The following NRXN3 variants were observed in gnomAD, a reference collection of about 807,000 sequenced individuals.
NRXN3 encodes neurexin III.
A neutral mutation model predicts 137.6 loss-of-function variants in NRXN3; 32 were observed. The observed-to-expected ratio is 0.23, with a 90% CI of 0.18 to 0.31. The LOEUF (loss-of-function observed/expected upper bound fraction) is 0.31, where lower values mean the gene tolerates loss of function less well. NRXN3 is among the 10% of genes least tolerant of loss of function. NRXN3 has a pLI of 1.00. For synonymous variants in NRXN3, 798 were observed against 784.5 expected (o/e 1.02, Z -0.29); for missense variants, 1,574 against 2,062.5 (o/e 0.76, Z 4.59).
At chr14:78,706,942 C>T (rs1383151991) in intron 6 of NRXN3, among the ~76,000 whole-genome samples, 1 of 152,036 alleles carries the variant, frequency 6.6e-6, no homozygotes, top group African/African-American at 2.4e-5. Context: ...CTGGAGTGAC[C>T]CATCCAATTA....
intron 4 of NRXN3, among the ~76,000 whole-genome samples, chr14:78,456,799 C>CTCTTTCTCTCTTTCTTTCTTTCTT (rs1555539844): frequency 3.1e-5 from 3 of 97,620 alleles, no homozygotes; most frequent in East Asian, 3.0e-4. Context: ...CTCTCTTTCT[C>CTCTTTCTCTCTTTCTTTCTTTCTT]TCTTTCTTTC....
At chr14:79,101,248 C>A (rs367694982) in intron 15 of NRXN3, among the ~76,000 whole-genome samples, 1 of 152,118 alleles carries the variant, frequency 6.6e-6, no homozygotes, top group Non-Finnish European at 1.5e-5. Context: ...TAGTTAGTGT[C>A]CCACTATTGT....
At chr14:79,040,810 C>T (rs891018177) in intron 15 of NRXN3, among the ~76,000 whole-genome samples, 1 of 152,146 alleles carries the variant, frequency 6.6e-6, no homozygotes, top group Admixed American at 6.5e-5. Flanking sequence ...CATGTGGGCT[C>T]TTAGCTTGAG....
intron 15 of NRXN3, among the ~76,000 whole-genome samples, chr14:79,092,209 G>A (rs1377519852): frequency 2.6e-5 from 4 of 152,132 alleles, no homozygotes; most frequent in Non-Finnish European, 4.4e-5. Context: ...GATCACAGTT[G>A]ACTATTAGGA....
rs149212964 is a variant in NRXN3, at chr14:78,409,422, T to C, written c.757+111562T>C. Among the ~76,000 whole-genome samples the C allele has an allele frequency of 5.6e-4, 86 of 152,338 alleles. No homozygotes were observed. The East Asian group carries it at 0.015, about 27-fold the overall frequency. On this transcript the variant is annotated intron_variant, in intron 4 of 20. Transcript: ENST00000335750. The stretch of plus-strand genomic sequence containing the variant: ...GAGAGCAGAGAGAAAAGAGGCGTGG[T>C]CAGGGAGTAAGGGAGATACATGTAC...
At chr14:78,513,781 A>G (rs2096154457) in intron 4 of NRXN3, among the ~76,000 whole-genome samples, 1 of 152,160 alleles carries the variant, frequency 6.6e-6, no homozygotes, top group Non-Finnish European at 1.5e-5. Context: ...GATTATCAAT[A>G]TAAAAATTGA....
intron 15 of NRXN3, among the ~76,000 whole-genome samples, chr14:79,277,472 A>G (rs1207215850): frequency 2.0e-5 from 3 of 152,220 alleles, no homozygotes; most frequent in Non-Finnish European, 4.4e-5. Context: ...TTCTAGCAAT[A>G]ATAGCATAAG....
chr14:78,819,469 G>T (rs1416194400), intron 10 of NRXN3, among the ~76,000 whole-genome samples: 3 of 152,084 alleles, frequency 2.0e-5, no homozygotes, highest in Non-Finnish European at 2.9e-5. Flanking sequence ...AGTATAGGAG[G>T]ATGTACATAG....
At chr14:79,040,868 A>G (rs2099623921) in intron 15 of NRXN3, among the ~76,000 whole-genome samples, 1 of 152,036 alleles carries the variant, frequency 6.6e-6, no homozygotes, top group Non-Finnish European at 1.5e-5. Context: ...GTTGAGGTGG[A>G]ATTTTTCATT....
chr14:79,166,453 A>T (rs2061292772), intron 15 of NRXN3, among the ~76,000 whole-genome samples: 1 of 151,364 alleles, frequency 6.6e-6, no homozygotes, highest in South Asian at 2.1e-4. Context: ...TTTATCAGAA[A>T]TGATGACCTT....
chr14:79,049,108 T>C (rs529917835), intron 15 of NRXN3, among the ~76,000 whole-genome samples: 1 of 115,778 alleles, frequency 8.6e-6, no homozygotes, highest in South Asian at 2.8e-4. Context: ...TGATGGGGTG[T>C]GCTGCATTGA....
intron 4 of NRXN3, among the ~76,000 whole-genome samples, chr14:78,300,899 G>A (rs550515907): frequency 1.3e-5 from 2 of 152,196 alleles, no homozygotes; most frequent in African/African-American, 2.4e-5. Context: ...ATGATTCTGT[G>A]TTGGCCTGCC....
rs567231389 is a variant in NRXN3, at chr14:79,467,441, T to G, written c.3444+39T>G. 1.5e-5 allele frequency: 23 copies of G among 1,535,662 alleles called. No individual in the cohort carries two copies. In the South Asian group the frequency reaches 2.2e-4, roughly 15 times the overall value. On this transcript the variant is annotated intron_variant, in intron 16 of 20. Coordinates refer to ENST00000335750, the MANE Select transcript of NRXN3 (RefSeq NM_001330195.2). ...CTTGGCCTGGATTTTCTTATGTTAC[T>G]GGTGGTCTGAGTTAGTGATTCAGGT...
intron 8 of NRXN3, among the ~76,000 whole-genome samples, 199 bp downstream of exon 8, chr14:78,715,338 G>T (rs1442159869): frequency 7.2e-5 from 11 of 152,148 alleles, no homozygotes; most frequent in Admixed American, 6.5e-4. Flanking sequence ...TTGCAGAAAG[G>T]GAAGCTTTAT....
At chr14:78,910,709 T>C (rs2099234946) in intron 10 of NRXN3, among the ~76,000 whole-genome samples, 2 of 152,178 alleles carry the variant, frequency 1.3e-5, no homozygotes, top group Non-Finnish European at 2.9e-5. Flanking sequence ...ATTTGCTTGA[T>C]TATTAGCTTT....
At chr14:79,236,919 T>C (rs1265412239) in intron 15 of NRXN3, among the ~76,000 whole-genome samples, 2 of 152,010 alleles carry the variant, frequency 1.3e-5, no homozygotes, top group South Asian at 4.1e-4. Flanking sequence ...TCTAAAAATA[T>C]ATATATTTTT....
intron 16 of NRXN3, among the ~76,000 whole-genome samples, chr14:79,624,813 G>T (rs860454): frequency 0.3 from 39,791 of 134,590 alleles, 7,962 homozygotes; most frequent in African/African-American, 0.6. Context: ...GTTTGTTTTT[G>T]TTTTTTTTTA....
chr14:78,185,213 AG>A (rs1403522946), intron 1 of NRXN3, among the ~76,000 whole-genome samples: 1 of 152,194 alleles, frequency 6.6e-6, no homozygotes, highest in East Asian at 1.9e-4. Context: ...TCACTGCAGG[AG>A]GCCTCGATCT....
At chr14:79,200,918 T>A (rs184431609) in intron 15 of NRXN3, 1 of 142,208 alleles carries the variant, frequency 7.0e-6, no homozygotes, top group Non-Finnish European at 1.5e-5. Flanking sequence ...TCTCAAGTAA[T>A]AATCCTTCAA....
Sources: gnomAD v4.1 joint callset for allele counts (sites outside exome capture counted in the v4.1 genomes callset) on GRCh38, gnomAD v4.1.1 for gene constraint, MANE v1.5 for transcripts, NCBI Gene and HGNC (gene_info 2026-07-23, HGNC 2026-07-21) for gene names.